The following PDE6G variants were observed in gnomAD, a reference collection of about 807,000 sequenced individuals.
PDE6G encodes the protein rod cGMP 3',5'-cyclic phosphodiesterase subunit gamma.
PDE6G carries 10 observed loss-of-function variants against 10.9 expected under a neutral mutation model. The ratio of observed to expected loss-of-function variants is 0.91; its 90% confidence interval spans 0.56 to 1.55. The LOEUF is 1.55. PDE6G is among the 40% of genes most tolerant of loss of function. The pLI is 0.00. For synonymous variants in PDE6G, 41 were observed against 42.8 expected (o/e 0.96, Z 0.16); for missense variants, 102 against 110.1 (o/e 0.93, Z 0.33).
chr17:81,653,155 CTTACCCT>C lies in PDE6G; in HGVS notation c.144_146+4del. 6.2e-7 allele frequency: 1 copy of C among 1,614,074 alleles called. No individual in the cohort carries two copies. Among genetic ancestry groups the C allele is most frequent in the Non-Finnish European group, 8.5e-7 (1 of 1,179,988 alleles). On this transcript the variant is annotated splice_donor_variant and splice_donor_region_variant and coding_sequence_variant and intron_variant, in exon 2 of 4. Transcript: ENST00000331056. LOFTEE classifies it high-confidence loss of function. The surrounding 1 kb of genome is among the most constrained non-coding windows in gnomAD (Gnocchi z 5.2). Reference sequence around the variant, plus strand: ...TCAGAGGCCCCATCCCCCAGCTCTGCTTACCCTTGAACGCCTTTCTTTGGGGGCTTGC... The same window carrying C: ...TCAGAGGCCCCATCCCCCAGCTCTGCTGAACGCCTTTCTTTGGGGGCTTGC...
chr17:81,653,083 G>C lies in PDE6G; in HGVS notation c.146+77C>G, dbSNP rs1451421590. On this transcript the variant is annotated intron_variant, in intron 2 of 3. Transcript: ENST00000331056. The surrounding 1 kb of genome is among the most constrained non-coding windows in gnomAD (Gnocchi z 5.2). ...ACCCAGTGAAGTGGCCCCAGGCTCT[G>C]CCCCGCCCTCCCCTTCCTGTGCAGC... is the stretch of plus-strand genomic sequence containing the variant. 2.0e-6 allele frequency: 3 copies of C among 1,523,892 alleles called. No homozygotes were observed. The highest frequency in any genetic ancestry group is 2.7e-6 in the Non-Finnish European group (3 of 1,101,018). The allele number at this position is 1,523,892 out of a possible 1,614,324, so 94.4% of individuals were successfully genotyped here. A position where few individuals can be genotyped will look rare whatever the true frequency, so the allele number is the denominator to read the frequency against.
At position 81,653,868 on chromosome 17, in the gene PDE6G, T is replaced by G. The variant is rs2036407648; in HGVS notation, c.-59-504A>C. 6.6e-6 allele frequency among the ~76,000 whole-genome samples: 1 copy of G among 152,184 alleles called. No individual in the cohort carries two copies. Among genetic ancestry groups the G allele is most frequent in the Non-Finnish European group, 1.5e-5 (1 of 68,016 alleles). On this transcript the variant is annotated intron_variant, in intron 1 of 3. Coordinates refer to ENST00000331056, the MANE Select transcript of PDE6G (RefSeq NM_002602.4). The surrounding 1 kb of genome is among the most constrained non-coding windows in gnomAD (Gnocchi z 5.2). ...TCTTGTTGCCTGGGCTGGAGTGCAGTGGCACTATCTCGGCTCACTGCAACC... is the reference window on the plus strand; with the variant it reads ...TCTTGTTGCCTGGGCTGGAGTGCAGGGGCACTATCTCGGCTCACTGCAACC...
chr17:81,654,112 G>A (rs1004905995), intron 1 of PDE6G, among the ~76,000 whole-genome samples: 2 of 151,636 alleles, frequency 1.3e-5, no homozygotes, highest in Non-Finnish European at 1.5e-5. Context: ...CACCGCACCC[G>A]GCCCAGCTGC....
chr17:81,656,545 C>T (rs750121757), upstream of PDE6G: 29 of 762,704 alleles, frequency 3.8e-5, no homozygotes, highest in Non-Finnish European at 5.3e-5. Flanking sequence ...GGCCTCCCTC[C>T]GCAGGGTGCC....
chr17:81,653,362 G>C lies in PDE6G; in HGVS notation c.-57C>G, dbSNP rs772348610. 2.2e-4 allele frequency: 358 copies of C among 1,594,906 alleles called. No individual in the cohort carries two copies. Among genetic ancestry groups the C allele is most frequent in the Non-Finnish European group, 2.5e-4 (289 of 1,174,012 alleles). On this transcript the variant is annotated splice_region_variant and 5_prime_UTR_variant, in exon 2 of 4. Coordinates refer to ENST00000331056, the MANE Select transcript of PDE6G (RefSeq NM_002602.4). This position sits in a 1 kb window ranked among gnomAD's most constrained non-coding sequence, Gnocchi z 5.2. The stretch of plus-strand genomic sequence containing the variant: ...TGGCTCCTGGACTCCCTCCTGCTGC[G>C]GTCTGGGGGCAGACCAGGCCCGGGT...
chr17:81,653,078 G>C lies in PDE6G; in HGVS notation c.146+82C>G, dbSNP rs2036387215. 2 of 1,522,982 alleles carry C rather than the reference G, an allele frequency of 1.3e-6. No individual in the cohort carries two copies. The highest frequency in any genetic ancestry group is 2.7e-5 in the African/African-American group (2 of 73,030). 94.3% of individuals were successfully genotyped at this position (1,522,982 alleles called of 1,614,324 possible). A position where few individuals can be genotyped will look rare whatever the true frequency, so the allele number is the denominator to read the frequency against. On this transcript the variant is annotated intron_variant, in intron 2 of 3. Coordinates refer to ENST00000331056, the MANE Select transcript of PDE6G (RefSeq NM_002602.4). The surrounding 1 kb of genome is among the most constrained non-coding windows in gnomAD (Gnocchi z 5.2). ...CACTCACCCAGTGAAGTGGCCCCAG[G>C]CTCTGCCCCGCCCTCCCCTTCCTGT...
At chr17:81,654,406 G>T (rs1293866894) in intron 1 of PDE6G, among the ~76,000 whole-genome samples, 2 of 139,342 alleles carry the variant, frequency 1.4e-5, no homozygotes, top group Non-Finnish European at 3.0e-5. Context: ...TTGAGACAGA[G>T]TCTTGCTCTG....
At chr17:81,655,141 C>T (rs1275391185) in intron 1 of PDE6G, among the ~76,000 whole-genome samples, 2 of 152,290 alleles carry the variant, frequency 1.3e-5, no homozygotes, top group African/African-American at 4.8e-5. Context: ...GTTCCCTTCA[C>T]CCACTCACGG....
chr17:81,662,171 CAT>C (rs1369566080), intron 1 of PDE6G, among the ~76,000 whole-genome samples: 2 of 152,064 alleles, frequency 1.3e-5, no homozygotes, highest in Non-Finnish European at 2.9e-5. Flanking sequence ...ATAAAAGCAA[CAT>C]GTGTCCACGT....
rs57654048 is a variant in PDE6G at position 81,650,681 on chromosome 17, G to A, written c.*393C>T. The A allele has an allele frequency of 0.037, 17,031 of 458,108 alleles. 691 individuals carry two copies. The highest frequency in any genetic ancestry group is 0.22 in the East Asian group (3,279 of 14,804). 28.4% of individuals were successfully genotyped at this position (458,108 alleles called of 1,614,324 possible). A position where few individuals can be genotyped will look rare whatever the true frequency, so the allele number is the denominator to read the frequency against. ...CTTACAGGCAGGACAGGGGGCTGGG[G>A]TGCAGAAGCACTCTGGGGAGACCTG... is the stretch of plus-strand genomic sequence containing the variant. On this transcript the variant is annotated 3_prime_UTR_variant, in exon 4 of 4. Transcript: ENST00000331056.
At chr17:81,662,788 T>C (rs55793808) in intron 1 of PDE6G, among the ~76,000 whole-genome samples, 13,301 of 152,062 alleles carry the variant, frequency 0.087, 834 homozygotes, top group East Asian at 0.21. Context: ...TACCTGAGCC[T>C]AGGAGTTCAA....
Position 81,651,356 on chromosome 17 carries a change from AGAG to A in PDE6G, c.188-209_188-207del, listed in dbSNP as rs919343942. 6.6e-6 allele frequency among the ~76,000 whole-genome samples: 1 copy of A among 151,974 alleles called. No homozygotes were observed. Among genetic ancestry groups the A allele is most frequent in the African/African-American group, 2.4e-5 (1 of 41,390 alleles). On this transcript the variant is annotated intron_variant, in intron 3 of 3. Coordinates refer to ENST00000331056, the MANE Select transcript of PDE6G (RefSeq NM_002602.4). The surrounding 1 kb of genome is among the most constrained non-coding windows in gnomAD (Gnocchi z 4.8). ...TGCAGCAGGTCCAGGGGAGGGAACCAGAGGAGGGTGGGGCTTGCTGAAGGGGGA... is the reference window on the plus strand; with the variant it reads ...TGCAGCAGGTCCAGGGGAGGGAACCAGAGGGTGGGGCTTGCTGAAGGGGGA...
Position 81,651,758 on chromosome 17 carries a change from C to A in PDE6G, c.147-73G>T. ...CAGTCAGCCTGAGGCCCGAGGTCAT[C>A]TCTAGCCTTCCTAGGAGATGAGGTG... On this transcript the variant is annotated intron_variant, in intron 2 of 3. Transcript: ENST00000331056. The surrounding 1 kb of genome is among the most constrained non-coding windows in gnomAD (Gnocchi z 4.8). The A allele has an allele frequency of 6.6e-7, 1 of 1,506,604 alleles. No individual in the cohort carries two copies. 93.3% of individuals were successfully genotyped at this position (1,506,604 alleles called of 1,614,324 possible).
chr17:81,651,722 C>A lies in PDE6G; in HGVS notation c.147-37G>T. The A allele has an allele frequency of 6.2e-7, 1 of 1,610,692 alleles. No homozygotes were observed. Among genetic ancestry groups the A allele is most frequent in the Non-Finnish European group, 8.5e-7 (1 of 1,177,662 alleles). ...GAGCACTCAGGGACATGGCCGGGCC[C>A]AGTCCTGGCTCAGTCAGCCTGAGGC... On this transcript the variant is annotated intron_variant, in intron 2 of 3. Coordinates refer to ENST00000331056, the MANE Select transcript of PDE6G (RefSeq NM_002602.4). The surrounding 1 kb of genome is among the most constrained non-coding windows in gnomAD (Gnocchi z 4.8).
chr17:81,655,252 G>C (rs922625617), intron 1 of PDE6G, among the ~76,000 whole-genome samples: 3 of 152,196 alleles, frequency 2.0e-5, no homozygotes, highest in African/African-American at 7.2e-5. Flanking sequence ...CGGCGCCCCT[G>C]GGAAAGGGGC....
chr17:81,655,356 C>T (rs993872827), intron 1 of PDE6G, among the ~76,000 whole-genome samples: 2 of 152,242 alleles, frequency 1.3e-5, no homozygotes, highest in African/African-American at 2.4e-5. Context: ...CGGAGGGTGC[C>T]GGGCATGTGT....
rs1373781474 is a variant in PDE6G, at chr17:81,650,657, T to A, written c.*417A>T. On this transcript the variant is annotated 3_prime_UTR_variant, in exon 4 of 4. Coordinates refer to ENST00000331056, the MANE Select transcript of PDE6G (RefSeq NM_002602.4). The stretch of plus-strand genomic sequence containing the variant: ...AGACGGGGAGCTTCTCTGTATCCCC[T>A]TACAGGCAGGACAGGGGGCTGGGGT... 4 of 455,750 alleles carry A rather than the reference T, an allele frequency of 8.8e-6. No individual in the cohort carries two copies. The highest frequency in any genetic ancestry group is 1.8e-5 in the Non-Finnish European group (4 of 228,042). 28.2% of individuals were successfully genotyped at this position (455,750 alleles called of 1,614,324 possible). A position where few individuals can be genotyped will look rare whatever the true frequency, so the allele number is the denominator to read the frequency against.
chr17:81,650,543 T>C lies in PDE6G; in HGVS notation c.*531A>G. 1 of 454,082 alleles carries C rather than the reference T, an allele frequency of 2.2e-6. No homozygotes were observed. The highest frequency in any genetic ancestry group is 1.6e-5 in the South Asian group (1 of 64,474). The allele number at this position is 454,082 out of a possible 1,614,324, so 28.1% of individuals were successfully genotyped here. A position where few individuals can be genotyped will look rare whatever the true frequency, so the allele number is the denominator to read the frequency against. On this transcript the variant is annotated 3_prime_UTR_variant, in exon 4 of 4. Coordinates refer to ENST00000331056, the MANE Select transcript of PDE6G (RefSeq NM_002602.4). ...AGGATGGCCCCCTGGTGTGATGAGC[T>C]TGGGGCCTCATCTGCTCACCGTGCA... is the stretch of plus-strand genomic sequence containing the variant.
upstream of PDE6G, chr17:81,656,979 A>AC (rs71166164): frequency 0.057 from 12,442 of 219,644 alleles, 291 homozygotes; most frequent in Non-Finnish European, 0.066. Context: ...CCAAACAAGG[A>AC]CCCCCCCCCG....
Sources: gnomAD v4.1 joint callset for allele counts (sites outside exome capture counted in the v4.1 genomes callset) on GRCh38, gnomAD v4.1.1 for gene constraint, Gnocchi (gnomAD v3.1) non-coding constraint, MANE v1.5 for transcripts, NCBI Gene and HGNC (gene_info 2026-07-23, HGNC 2026-07-21) for gene names.